Variants in KCNN3 observed in about 807,000 individuals in gnomAD.
KCNN3 encodes small conductance calcium-activated potassium channel protein 3.
A neutral mutation model predicts 62.9 loss-of-function variants in KCNN3; 16 were observed. The ratio of observed to expected loss-of-function variants is 0.25; its 90% CI spans 0.17 to 0.39. The LOEUF is 0.39. KCNN3 is among the 10% of genes least tolerant of loss of function. The pLI is 1.00. For missense variants in KCNN3, 599 were observed against 949.4 expected, an observed-to-expected ratio of 0.63 and a Z score of 4.85; for synonymous variants, 370 against 389.2, an observed-to-expected ratio of 0.95 and a Z score of 0.58.
At chr1:154,714,367 T>G in intron 6 of KCNN3, among the ~76,000 whole-genome samples, 1 of 126,076 alleles carries the variant, frequency 7.9e-6, no homozygotes, top group Non-Finnish European at 1.6e-5. Flanking sequence ...GTGTGTATGG[T>G]TTGTGTGAGG....
At chr1:154,844,235 C>A (rs1045001058) in intron 1 of KCNN3, among the ~76,000 whole-genome samples, 8 of 152,208 alleles carry the variant, frequency 5.3e-5, no homozygotes, top group African/African-American at 1.9e-4. Flanking sequence ...TATTAGTACG[C>A]GTTCTTGTCA....
rs756390112 is a variant in KCNN3 at position 154,772,431 on chromosome 1, C to A, written c.1030-38G>T. 7.5e-6 allele frequency: 12 copies of A among 1,607,298 alleles called. No individual in the cohort carries two copies. The highest frequency in any genetic ancestry group is 1.1e-5 in the South Asian group (1 of 90,122). On this transcript the variant is annotated intron_variant, in intron 2 of 7. Coordinates refer to ENST00000271915, the MANE Select transcript of KCNN3 (RefSeq NM_002249.6). This position sits in a 1 kb window ranked among gnomAD's most constrained non-coding sequence, Gnocchi z 5.6. ...GAAAGTCCATTAGTGTGGCCAGGAC[C>A]AGGAAGCCCACAGCAGGGTCCAGGC...
At chr1:154,840,098 G>T (rs1651764967) in intron 1 of KCNN3, among the ~76,000 whole-genome samples, 1 of 152,078 alleles carries the variant, frequency 6.6e-6, no homozygotes, top group Non-Finnish European at 1.5e-5. Flanking sequence ...TTTCCTAAAA[G>T]GTCACTGGGT....
chr1:154,741,879 A>C (rs973785744), intron 3 of KCNN3, among the ~76,000 whole-genome samples: 1 of 152,218 alleles, frequency 6.6e-6, no homozygotes, highest in African/African-American at 2.4e-5. Flanking sequence ...CTTCCGGTCA[A>C]TCTTCAGAGT....
At chr1:154,844,782 G>C (rs1188185730) in intron 1 of KCNN3, among the ~76,000 whole-genome samples, 4 of 152,078 alleles carry the variant, frequency 2.6e-5, no homozygotes, top group African/African-American at 4.8e-5. Context: ...GAGGCGGGTG[G>C]ATCACCTGAG....
intron 1 of KCNN3, 86 bp from the exon 2 acceptor site, chr1:154,822,270 G>T: frequency 9.9e-7 from 1 of 1,010,350 alleles, no homozygotes; most frequent in South Asian, 1.3e-5. Context: ...AAGAGAAGGG[G>T]TGGGGACACA....
chr1:154,806,457 G>A (rs183236029), intron 2 of KCNN3, among the ~76,000 whole-genome samples: 8 of 152,346 alleles, frequency 5.3e-5, no homozygotes, highest in African/African-American at 1.7e-4. Flanking sequence ...ATTATGACCT[G>A]TTTATACAGA....
intron 1 of KCNN3, among the ~76,000 whole-genome samples, chr1:154,830,928 T>C (rs966041967): frequency 1.3e-5 from 2 of 152,068 alleles, no homozygotes; most frequent in African/African-American, 2.4e-5. Flanking sequence ...CAAACATAAT[T>C]CCAATTAAGG....
chr1:154,743,072 G>A (rs929307680), intron 3 of KCNN3, among the ~76,000 whole-genome samples: 14 of 152,098 alleles, frequency 9.2e-5, no homozygotes, highest in Admixed American at 4.6e-4. Context: ...GAATCGGAGC[G>A]CCTGTCATCC....
intron 1 of KCNN3, among the ~76,000 whole-genome samples, chr1:154,848,100 C>T (rs571067476): frequency 4.6e-5 from 7 of 152,212 alleles, no homozygotes; most frequent in South Asian, 2.1e-4. Flanking sequence ...AGGCCTCCCC[C>T]CCTCCCCAGC....
chr1:154,869,867 T>C lies in KCNN3; in HGVS notation c.98A>G (p.Gln33Arg). 1 of 1,598,388 alleles carries C rather than the reference T, an allele frequency of 6.3e-7. No homozygotes were observed. Among genetic ancestry groups the C allele is most frequent in the Non-Finnish European group, 8.5e-7 (1 of 1,171,836 alleles). Residue 33 changes from glutamine to arginine, a missense_variant, in exon 1 of 8, where the codon CAG (glutamine) becomes CGG (arginine). This residue lies in a region of KCNN3 where 59 missense variants were observed against 62.4 expected (regional missense o/e 0.95). Transcript: ENST00000271915. This position sits in a 1 kb window ranked among gnomAD's most constrained non-coding sequence, Gnocchi z 6.1. ...CTGCTGCTGCTGTTGCTGCTGCTGC[T>C]GCTGCTGCTGCTCATCCCCAGAGGA... ...CPSSGDEQQQ[Q>R]QQQQQQQQPP...
intron 2 of KCNN3, among the ~76,000 whole-genome samples, chr1:154,803,889 T>C (rs1650055349): frequency 6.6e-6 from 1 of 152,176 alleles, no homozygotes; most frequent in Non-Finnish European, 1.5e-5. Flanking sequence ...CCTCCCTCCT[T>C]TCCCACTCAC....
intron 2 of KCNN3, among the ~76,000 whole-genome samples, chr1:154,777,651 G>A (rs1336741042): frequency 6.6e-6 from 1 of 152,196 alleles, no homozygotes; most frequent in Admixed American, 6.5e-5. Context: ...AGGGGCTCGG[G>A]GAGTGTGTAT....
At chr1:154,846,512 A>T (rs1218561) in intron 1 of KCNN3, among the ~76,000 whole-genome samples, 3 of 152,284 alleles carry the variant, frequency 2.0e-5, no homozygotes, top group South Asian at 4.1e-4. Context: ...GCCGGTACAC[A>T]GCAATAACAA....
intron 7 of KCNN3, among the ~76,000 whole-genome samples, chr1:154,712,546 G>T (rs565343330): frequency 6.6e-6 from 1 of 152,068 alleles, no homozygotes; most frequent in Non-Finnish European, 1.5e-5. Flanking sequence ...TTCTCTGATT[G>T]CACTCTTTTC....
At chr1:154,825,094 G>A (rs912782173) in intron 1 of KCNN3, among the ~76,000 whole-genome samples, 2 of 152,208 alleles carry the variant, frequency 1.3e-5, no homozygotes, top group African/African-American at 2.4e-5. Context: ...TCTCTTTGCT[G>A]CCTGAACATC....
intron 3 of KCNN3, among the ~76,000 whole-genome samples, chr1:154,734,053 G>T (rs769688272): frequency 1.3e-5 from 2 of 152,196 alleles, no homozygotes; most frequent in Non-Finnish European, 2.9e-5. Context: ...GTCCACAGAG[G>T]TGCCACAGAG....
intron 3 of KCNN3, among the ~76,000 whole-genome samples, chr1:154,758,402 G>C (rs77608306): frequency 0.028 from 4,313 of 152,284 alleles, 210 homozygotes; most frequent in African/African-American, 0.097. Flanking sequence ...TATTTAAAAG[G>C]AGTTTTACTA....
At chr1:154,714,099 ATGGTGTGTGTGATG>A (rs1700140752) in intron 6 of KCNN3, among the ~76,000 whole-genome samples, 3 of 41,104 alleles carry the variant, frequency 7.3e-5, no homozygotes, top group Non-Finnish European at 1.4e-4. Context: ...TGTGGTGTGT[ATGGTGTGTGTGATG>A]TGGTGTGTGT....
Sources: allele counts gnomAD v4.1 joint callset (sites outside exome capture counted in the v4.1 genomes callset), GRCh38; gene constraint gnomAD v4.1.1; regional missense constraint gnomAD v4.1.1; non-coding constraint Gnocchi (gnomAD v3.1); transcripts MANE v1.5; gene names NCBI Gene and HGNC (gene_info 2026-07-23, HGNC 2026-07-21).